ZBTB20: variants seen among roughly 807,000 people sequenced by gnomAD.
The protein encoded by ZBTB20 is zinc finger and BTB domain containing 20, also known as zinc finger and BTB domain-containing protein 20.
In ZBTB20, 9 loss-of-function variants were observed where a neutral mutation model predicts 56.9. The ratio of observed to expected loss-of-function variants is 0.16; its 90% CI spans 0.10 to 0.28. The LOEUF (loss-of-function observed/expected upper bound fraction) is 0.28. Among genes scored for constraint, ZBTB20 ranks in the 10% least tolerant of loss-of-function variants. The pLI, the probability that ZBTB20 is intolerant of heterozygous loss-of-function variation, is 1.00. For synonymous variants in ZBTB20, 417 were observed against 420.7 expected (o/e 0.99, Z 0.11); for missense variants, 655 against 1,003.0 (o/e 0.65, Z 4.69).
rs140940695 is a variant in ZBTB20, at chr3:115,016,654, T to C, written c.-506-42238A>G. ...GGTCTCATTTCTGAGTTCTCTATTC[T>C]GTTCCATGGGTCTATGTGTCTGTTT... is the stretch of plus-strand genomic sequence containing the variant. On this transcript the variant is annotated intron_variant, in intron 2 of 11. Coordinates refer to ENST00000675478, the MANE Select transcript of ZBTB20 (RefSeq NM_001348800.3). 4.6e-3 allele frequency among the ~76,000 whole-genome samples: 696 copies of C among 151,990 alleles called. 20 individuals are homozygous for C. The East Asian group carries it at 0.066, about 14-fold the overall frequency.
At chr3:115,017,523 T>C (rs1436341721) in intron 2 of ZBTB20, among the ~76,000 whole-genome samples, 1 of 151,506 alleles carries the variant, frequency 6.6e-6, no homozygotes, top group Non-Finnish European at 1.5e-5. Context: ...TTAAGAAAAA[T>C]TTATAGTATA....
chr3:114,394,659 C>T (rs2086184543), intron 7 of ZBTB20, among the ~76,000 whole-genome samples: 1 of 152,138 alleles, frequency 6.6e-6, no homozygotes, highest in Admixed American at 6.6e-5. Context: ...TGAGAAGCTC[C>T]CAGGTGATGC....
At chr3:114,998,742 T>C (rs913866615) in intron 2 of ZBTB20, among the ~76,000 whole-genome samples, 1 of 151,576 alleles carries the variant, frequency 6.6e-6, no homozygotes, top group Non-Finnish European at 1.5e-5. Context: ...CACAGAGATG[T>C]GAATCATGAG....
intron 11 of ZBTB20, among the ~76,000 whole-genome samples, chr3:114,340,215 G>C (rs1242117758): frequency 6.6e-6 from 1 of 151,966 alleles, no homozygotes; most frequent in African/African-American, 2.4e-5. Flanking sequence ...ACTCCACTCT[G>C]ACAAATCACC....
rs1037797092 is a variant in ZBTB20 at position 114,325,583 on chromosome 3, G to C, written c.*13422C>G. On this transcript the variant is annotated 3_prime_UTR_variant, in exon 12 of 12. Transcript: ENST00000675478. ...TACTAATTCTTTGAATTGTAATAATGAGAGATAGGCAAGAACAACAAGGGG... is the reference window on the plus strand; with the variant it reads ...TACTAATTCTTTGAATTGTAATAATCAGAGATAGGCAAGAACAACAAGGGG... 13 of 152,170 alleles carry C rather than the reference G, an allele frequency of 8.5e-5. No individual in the cohort carries two copies. The highest frequency in any genetic ancestry group is 4.4e-5 in the Non-Finnish European group (3 of 68,042). 9.4% of individuals were successfully genotyped at this position (152,170 alleles called of 1,614,324 possible). A position where few individuals can be genotyped will look rare whatever the true frequency, so the allele number is the denominator to read the frequency against.
At chr3:114,447,879 C>A (rs1045473314) in intron 7 of ZBTB20, among the ~76,000 whole-genome samples, 12 of 152,142 alleles carry the variant, frequency 7.9e-5, no homozygotes, top group African/African-American at 1.2e-4. Context: ...GGATATTTCT[C>A]GGATACCCTG....
intron 8 of ZBTB20, chr3:114,388,515 A>C (rs1311027561): frequency 6.6e-6 from 1 of 152,454 alleles, no homozygotes; most frequent in Non-Finnish European, 1.5e-5. Flanking sequence ...TGGTGGAAGG[A>C]GGCCAGAGCT....
At chr3:114,867,878 G>A (rs553366184) in intron 4 of ZBTB20, among the ~76,000 whole-genome samples, 4 of 152,202 alleles carry the variant, frequency 2.6e-5, no homozygotes, top group South Asian at 2.1e-4. Flanking sequence ...TAATATATGC[G>A]AGTTACATTA....
chr3:114,415,248 A>C (rs1347436799), intron 7 of ZBTB20, among the ~76,000 whole-genome samples: 1 of 152,178 alleles, frequency 6.6e-6, no homozygotes, highest in Non-Finnish European at 1.5e-5. Flanking sequence ...AACTGAACTA[A>C]AGGAACTATC....
intron 4 of ZBTB20, among the ~76,000 whole-genome samples, chr3:114,806,578 T>C (rs993711408): frequency 7.2e-5 from 11 of 152,108 alleles, no homozygotes; most frequent in African/African-American, 2.2e-4. Context: ...ATGGGTCTTT[T>C]GAAGTGCAAA....
At chr3:114,632,458 G>C (rs1253634385) in intron 6 of ZBTB20, among the ~76,000 whole-genome samples, 1 of 152,108 alleles carries the variant, frequency 6.6e-6, no homozygotes, top group Non-Finnish European at 1.5e-5. Flanking sequence ...ATTTTAGTTT[G>C]CCCTTCTGTT....
chr3:114,482,049 T>G (rs1465777958), intron 7 of ZBTB20, among the ~76,000 whole-genome samples: 2 of 152,100 alleles, frequency 1.3e-5, no homozygotes, highest in East Asian at 3.9e-4. Flanking sequence ...GGTAAACACA[T>G]CCACAATGTG....
At position 114,329,919 on chromosome 3, in the gene ZBTB20, G is replaced by A. The variant is rs1355522603; in HGVS notation, c.*9086C>T. The A allele has an allele frequency of 6.6e-6, 1 of 152,138 alleles. No individual in the cohort carries two copies. Among genetic ancestry groups the A allele is most frequent in the Non-Finnish European group, 1.5e-5 (1 of 68,016 alleles). The allele number at this position is 152,138 out of a possible 1,614,324, so 9.4% of individuals were successfully genotyped here. On this transcript the variant is annotated 3_prime_UTR_variant, in exon 12 of 12. Transcript: ENST00000675478. Reference sequence around the variant, plus strand: ...ACTGTCTTACGCTTTTCAGAAGACTGGCCCTTTGAAACGCAGCCTGTTATT... The same window carrying A: ...ACTGTCTTACGCTTTTCAGAAGACTAGCCCTTTGAAACGCAGCCTGTTATT...
chr3:114,610,264 A>G (rs549681025), intron 6 of ZBTB20, among the ~76,000 whole-genome samples: 1 of 152,244 alleles, frequency 6.6e-6, no homozygotes, highest in African/African-American at 2.4e-5. Context: ...CAGAGAATGC[A>G]TAACAGCTTC....
At chr3:114,452,662 T>C (rs1340975747) in intron 7 of ZBTB20, among the ~76,000 whole-genome samples, 1 of 152,162 alleles carries the variant, frequency 6.6e-6, no homozygotes, top group East Asian at 1.9e-4. Context: ...ATAAATGCAT[T>C]CTATAATTAT....
intron 6 of ZBTB20, among the ~76,000 whole-genome samples, chr3:114,681,263 G>T (rs2061957409): frequency 6.6e-6 from 1 of 151,236 alleles, no homozygotes; most frequent in East Asian, 2.0e-4. Context: ...GGGTTTAAGC[G>T]ATCCTTCTGC....
At chr3:114,514,640 T>C (rs956996465) in intron 6 of ZBTB20, among the ~76,000 whole-genome samples, 3 of 152,148 alleles carry the variant, frequency 2.0e-5, no homozygotes, top group African/African-American at 7.2e-5. Flanking sequence ...AATACTTTAT[T>C]TGGTCACTGG....
In ZBTB20 at chr3:114,323,767, C is replaced by T. The variant is rs1263661133; in HGVS notation, c.*15238G>A. 3 of 152,152 alleles carry T rather than the reference C, an allele frequency of 2.0e-5. No homozygotes were observed. Among genetic ancestry groups the T allele is most frequent in the Non-Finnish European group, 4.4e-5 (3 of 68,014 alleles). The allele number at this position is 152,152 out of a possible 1,614,324, so 9.4% of individuals were successfully genotyped here. A position where few individuals can be genotyped will look rare whatever the true frequency, so the allele number is the denominator to read the frequency against. ...CAGCATGGTGGTTCCTAGGCCTGAT[C>T]AAGAGTTGACAGAGATTCCACAGAT... On this transcript the variant is annotated 3_prime_UTR_variant, in exon 12 of 12. Transcript: ENST00000675478.
intron 4 of ZBTB20, among the ~76,000 whole-genome samples, chr3:114,815,122 A>G (rs2072824711): frequency 6.6e-6 from 1 of 152,212 alleles, no homozygotes; most frequent in Non-Finnish European, 1.5e-5. Flanking sequence ...AATGCTTTAA[A>G]AATAGAATGT....
Sources: allele counts gnomAD v4.1 joint callset (sites outside exome capture counted in the v4.1 genomes callset), GRCh38; gene constraint gnomAD v4.1.1; transcripts MANE v1.5; gene names NCBI Gene and HGNC (gene_info 2026-07-23, HGNC 2026-07-21).